C8orf34: variants seen among roughly 807,000 people sequenced by gnomAD.
C8orf34 encodes the protein chromosome 8 open reading frame 34, also known as uncharacterized protein C8orf34.
C8orf34 carries 65 observed loss-of-function variants against 68.3 expected under a neutral mutation model. The observed-to-expected ratio is 0.95, with a 90% CI of 0.78 to 1.17. C8orf34 has a LOEUF of 1.17. Among genes scored for constraint, C8orf34 ranks in the 50% most tolerant of loss-of-function variants. The pLI, the probability that C8orf34 is intolerant of heterozygous loss-of-function variation, is 0.00. For missense variants in C8orf34, 664 were observed against 655.4 expected, an observed-to-expected ratio of 1.01 and a Z score of -0.14; for synonymous variants, 244 against 241.2, an observed-to-expected ratio of 1.01 and a Z score of -0.11.
intron 7 of C8orf34, among the ~76,000 whole-genome samples, chr8:68,586,710 T>C (rs1474987420): frequency 1.3e-5 from 2 of 152,146 alleles, no homozygotes; most frequent in Non-Finnish European, 2.9e-5. Context: ...ATCGACTTCT[T>C]TCCTTTTTTG....
At chr8:68,560,286 T>C (rs1198637053) in intron 7 of C8orf34, among the ~76,000 whole-genome samples, 1 of 141,856 alleles carries the variant, frequency 7.0e-6, no homozygotes, top group African/African-American at 2.9e-5. Flanking sequence ...TTTCTGATCA[T>C]TTTTTATTGT....
intron 13 of C8orf34, among the ~76,000 whole-genome samples, chr8:68,817,562 T>G (rs959053243): frequency 3.9e-5 from 6 of 152,158 alleles, no homozygotes; most frequent in Admixed American, 1.3e-4. Context: ...TTCAAAATGT[T>G]TATGGTCTAA....
chr8:68,776,425 C>A lies in C8orf34; in HGVS notation c.1431C>A (p.His477Gln), dbSNP rs764357719. The A allele has an allele frequency of 6.2e-7, 1 of 1,613,298 alleles. No individual in the cohort carries two copies. The highest frequency in any genetic ancestry group is 8.5e-7 in the Non-Finnish European group (1 of 1,179,434). Residue 477 changes from histidine to glutamine, a missense_variant, in exon 11 of 14, where the codon CAC becomes CAA. Physicochemically the swap from His to Gln is conservative, Grantham distance 24. Coordinates refer to ENST00000518698, the MANE Select transcript of C8orf34 (RefSeq NM_052958.4). Reference sequence around the variant, plus strand: ...GAGAAGCCTCCAGTGGAGTAGGACACTCACTGAAAAACTACATGGAAGAAG... The same window carrying A: ...GAGAAGCCTCCAGTGGAGTAGGACAATCACTGAAAAACTACATGGAAGAAG... ...GPGEASSGVG[H>Q]SLKNYMEEDE...
At chr8:68,429,016 A>G (rs1246264921) in intron 1 of C8orf34, among the ~76,000 whole-genome samples, 2 of 152,190 alleles carry the variant, frequency 1.3e-5, no homozygotes, top group Non-Finnish European at 2.9e-5. Context: ...TAATATTTGC[A>G]TGAACATGAG....
intron 4 of C8orf34, among the ~76,000 whole-genome samples, chr8:68,478,583 A>G (rs1165883454): frequency 1.3e-5 from 2 of 152,212 alleles, no homozygotes. Flanking sequence ...ACACTGCTAT[A>G]AAGAAATGCC....
At chr8:68,780,212 A>T (rs1228508558) in intron 11 of C8orf34, among the ~76,000 whole-genome samples, 1 of 152,244 alleles carries the variant, frequency 6.6e-6, no homozygotes, top group Non-Finnish European at 1.5e-5. Flanking sequence ...AAATTCCATA[A>T]TTGTAAAATA....
chr8:68,634,093 A>G (rs1045990996), intron 7 of C8orf34, among the ~76,000 whole-genome samples: 6 of 152,200 alleles, frequency 3.9e-5, no homozygotes, highest in East Asian at 1.9e-4. Flanking sequence ...AATTGTGAAG[A>G]ATCTAATAAA....
intron 10 of C8orf34, among the ~76,000 whole-genome samples, chr8:68,729,797 CTTA>C: frequency 6.6e-6 from 1 of 152,186 alleles, no homozygotes; most frequent in South Asian, 2.1e-4. Context: ...TATCTCCTTT[CTTA>C]TTAATATTGC....
At chr8:68,402,311 G>A (rs962634638) in intron 1 of C8orf34, among the ~76,000 whole-genome samples, 1 of 152,024 alleles carries the variant, frequency 6.6e-6, no homozygotes, top group African/African-American at 2.4e-5. Context: ...TTCTTGGTTA[G>A]TCTGGCTAGC....
chr8:68,769,889 C>T lies in C8orf34; in HGVS notation c.1405-6510C>T, dbSNP rs905333982. On this transcript the variant is annotated intron_variant, in intron 10 of 13. Transcript: ENST00000518698. Reference sequence around the variant, plus strand: ...TAGAAAGTAACCAGTGAGCGCGATACGTGCTTTGGTAAGGATAGGCGTAGT... The same window carrying T: ...TAGAAAGTAACCAGTGAGCGCGATATGTGCTTTGGTAAGGATAGGCGTAGT... 1.2e-4 allele frequency among the ~76,000 whole-genome samples: 18 copies of T among 152,218 alleles called. No homozygotes were observed. The South Asian group carries it at 1.2e-3, about 11-fold the overall frequency.
At chr8:68,497,606 C>A (rs549776597) in intron 5 of C8orf34, among the ~76,000 whole-genome samples, 22 of 151,938 alleles carry the variant, frequency 1.4e-4, no homozygotes, top group African/African-American at 5.3e-4. Flanking sequence ...GTAGAAAAAC[C>A]AAAATGTCCA....
intron 8 of C8orf34, among the ~76,000 whole-genome samples, chr8:68,702,321 A>T (rs1821041873): frequency 6.6e-6 from 1 of 152,204 alleles, no homozygotes; most frequent in Admixed American, 6.5e-5. Context: ...GATGAATATT[A>T]TGTTTTTAGT....
chr8:68,439,294 T>C, intron 1 of C8orf34: 1 of 443,298 alleles, frequency 2.3e-6, no homozygotes, highest in Non-Finnish European at 4.0e-6. Context: ...CTGTGTAATA[T>C]AGACAATTTA....
chr8:68,571,747 G>A lies in C8orf34; in HGVS notation c.1105+38598G>A, dbSNP rs72666709. Among the ~76,000 whole-genome samples the A allele has an allele frequency of 3.1e-3, 478 of 152,264 alleles. 2 individuals carry two copies. Among genetic ancestry groups the A allele is most frequent in the Middle Eastern group, 0.01 (3 of 294 alleles). On this transcript the variant is annotated intron_variant, in intron 7 of 13. Coordinates refer to ENST00000518698, the MANE Select transcript of C8orf34 (RefSeq NM_052958.4). Reference sequence around the variant, plus strand: ...ATATTTTAATGCCAAAGATAAATAGGAGTTTAGTTACATTGCTTTCATTGA... The same window carrying A: ...ATATTTTAATGCCAAAGATAAATAGAAGTTTAGTTACATTGCTTTCATTGA...
intron 1 of C8orf34, among the ~76,000 whole-genome samples, chr8:68,420,196 C>T (rs768347595): frequency 6.6e-6 from 1 of 150,828 alleles, no homozygotes; most frequent in African/African-American, 2.4e-5. Context: ...TTTATAGCTT[C>T]CCAGGGAGAA....
chr8:68,561,145 G>A (rs777812649), intron 7 of C8orf34, among the ~76,000 whole-genome samples: 39 of 151,578 alleles, frequency 2.6e-4, no homozygotes, highest in Non-Finnish European at 5.3e-4. Context: ...ACCACACCGG[G>A]CTAATTTTTG....
rs115340871 is a variant in C8orf34 at position 68,439,707 on chromosome 8, T to C, written c.475+61T>C. The C allele has an allele frequency of 2.1e-4, 318 of 1,487,702 alleles. 1 individual carries two copies. The African/African-American group carries it at 4.0e-3, about 19-fold the overall frequency. The allele number at this position is 1,487,702 out of a possible 1,614,324, so 92.2% of individuals were successfully genotyped here. On this transcript the variant is annotated intron_variant, in intron 2 of 13. Transcript: ENST00000518698. The stretch of plus-strand genomic sequence containing the variant: ...TCATTTAATGTCAAAATTTCAAAAC[T>C]CTTTTTGATACTAATAAGATAAATC...
At chr8:68,672,977 T>TC (rs142665209) in intron 8 of C8orf34, among the ~76,000 whole-genome samples, 22,307 of 152,082 alleles carry the variant, frequency 0.15, 1,753 homozygotes, top group Middle Eastern at 0.23. Context: ...AGGCCCCCAT[T>TC]CCAGGCCCTA....
At chr8:68,331,856 A>T (rs1453299958) in intron 1 of C8orf34, among the ~76,000 whole-genome samples, 1 of 113,838 alleles carries the variant, frequency 8.8e-6, no homozygotes, top group Admixed American at 1.3e-4. Flanking sequence ...GGAGGTGCTT[A>T]GCAGTTAATA....
Sources: gnomAD v4.1 joint callset for allele counts (sites outside exome capture counted in the v4.1 genomes callset) on GRCh38, gnomAD v4.1.1 for gene constraint, MANE v1.5 for transcripts, NCBI Gene and HGNC (gene_info 2026-07-23, HGNC 2026-07-21) for gene names.